BCL2L1: variants seen among roughly 807,000 people sequenced by gnomAD.
BCL2L1 encodes bcl-2-like protein 1.
Under a neutral mutation model 18.7 loss-of-function variants are expected in BCL2L1, and 1 was observed. That is an observed-to-expected ratio of 0.05 (90% CI 0.02 to 0.25). BCL2L1 has a LOEUF of 0.25. Ranked by LOEUF, BCL2L1 falls within the 10% of genes least tolerant of loss-of-function variation. The pLI, the probability that BCL2L1 is intolerant of heterozygous loss-of-function variation, is 1.00. For missense variants in BCL2L1, 207 were observed against 304.9 expected (o/e 0.68, Z 2.39); for synonymous variants, 103 against 122.7 (o/e 0.84, Z 1.06).
At chr20:31,694,415 G>A (rs73117919) in intron 2 of BCL2L1, among the ~76,000 whole-genome samples, 156 of 152,178 alleles carry the variant, frequency 1.0e-3, no homozygotes, top group Non-Finnish European at 1.9e-3. Flanking sequence ...ATGAGATTAG[G>A]TTTCTTGGGA....
chr20:31,683,037 G>A (rs1253773083), intron 2 of BCL2L1, among the ~76,000 whole-genome samples: 2 of 151,940 alleles, frequency 1.3e-5, no homozygotes, highest in Admixed American at 1.3e-4. Context: ...GCTTCTTATC[G>A]ACTCCATGGT....
In BCL2L1 at chr20:31,673,212, A is replaced by C. The variant is rs373818723; in HGVS notation, c.565-7126T>G. Among the ~76,000 whole-genome samples the C allele has an allele frequency of 1.5e-3, 221 of 151,408 alleles. 1 individual carries two copies. Among genetic ancestry groups the C allele is most frequent in the African/African-American group, 5.0e-3 (208 of 41,270 alleles). On this transcript the variant is annotated intron_variant, in intron 2 of 2. Coordinates refer to ENST00000307677, the MANE Select transcript of BCL2L1 (RefSeq NM_138578.3). Reference sequence around the variant, plus strand: ...TTAGTCTCCCAAGTTGCCTGGGATTACAGGCACCCGCCACCACACCTGGCT... The same window carrying C: ...TTAGTCTCCCAAGTTGCCTGGGATTCCAGGCACCCGCCACCACACCTGGCT...
intron 2 of BCL2L1, among the ~76,000 whole-genome samples, chr20:31,686,868 A>C (rs1454888205): frequency 6.6e-6 from 1 of 152,228 alleles, no homozygotes; most frequent in East Asian, 1.9e-4. Flanking sequence ...ACCATAGTTA[A>C]GTGAGGGCTT....
intron 2 of BCL2L1, among the ~76,000 whole-genome samples, chr20:31,700,922 G>A (rs1201103564): frequency 2.6e-5 from 4 of 152,196 alleles, no homozygotes; most frequent in Non-Finnish European, 4.4e-5. Context: ...CTCCCTGCTG[G>A]ACCAGCCCCT....
At chr20:31,692,863 C>G (rs1000168398) in intron 2 of BCL2L1, among the ~76,000 whole-genome samples, 1 of 151,634 alleles carries the variant, frequency 6.6e-6, no homozygotes, top group Non-Finnish European at 1.5e-5. Flanking sequence ...AAGCCAAGAT[C>G]GCACCACACT....
At chr20:31,683,981 C>T (rs1265262089) in intron 2 of BCL2L1, among the ~76,000 whole-genome samples, 5 of 152,128 alleles carry the variant, frequency 3.3e-5, no homozygotes, top group Non-Finnish European at 7.4e-5. Context: ...AATACACTGA[C>T]TATTAAAACA....
At chr20:31,720,998 G>C in intron 2 of BCL2L1, 6 of 984,940 alleles carry the variant, frequency 6.1e-6, no homozygotes, top group Non-Finnish European at 7.2e-6. Context: ...CATGCAGAAA[G>C]TCGCACACTT....
chr20:31,675,816 T>C (rs2060749974), intron 2 of BCL2L1, among the ~76,000 whole-genome samples: 1 of 152,192 alleles, frequency 6.6e-6, no homozygotes, highest in Admixed American at 6.5e-5. Context: ...GGGGGTGTCA[T>C]AGAGGGCTCA....
At chr20:31,677,527 A>AATACATGT (rs2060783633) in intron 2 of BCL2L1, among the ~76,000 whole-genome samples, 1 of 152,212 alleles carries the variant, frequency 6.6e-6, no homozygotes, top group South Asian at 2.1e-4. Flanking sequence ...GATTCAAATT[A>AATACATGT]ATACATGTAA....
intron 2 of BCL2L1, among the ~76,000 whole-genome samples, chr20:31,690,903 C>T (rs192032195): frequency 2.6e-5 from 4 of 152,078 alleles, no homozygotes; most frequent in African/African-American, 9.6e-5. Context: ...AATCCCAGCA[C>T]TTTGGGAGGC....
At chr20:31,720,456 C>T (rs1344711789) in intron 2 of BCL2L1, 1 of 863,536 alleles carries the variant, frequency 1.2e-6, no homozygotes, top group East Asian at 1.2e-4. Context: ...ACCTGCACCT[C>T]CGCTAGGTAG....
In BCL2L1 at chr20:31,722,266, C is replaced by A. The variant is rs779429492; in HGVS notation, c.-48G>T. The A allele has an allele frequency of 7.5e-7, 1 of 1,334,130 alleles. No individual in the cohort carries two copies. The highest frequency in any genetic ancestry group is 2.5e-5 in the Admixed American group (1 of 40,080). The allele number at this position is 1,334,130 out of a possible 1,614,324, so 82.6% of individuals were successfully genotyped here. A position where few individuals can be genotyped will look rare whatever the true frequency, so the allele number is the denominator to read the frequency against. The stretch of plus-strand genomic sequence containing the variant: ...ACCAGTCCATTGTCCAAAACACCTG[C>A]TCACTCACTGAGTCTCGTCTCTGGT... On this transcript the variant is annotated 5_prime_UTR_variant, in exon 2 of 3. Coordinates refer to ENST00000307677, the MANE Select transcript of BCL2L1 (RefSeq NM_138578.3).
rs865787655 is a variant in BCL2L1 at position 31,664,586 on chromosome 20, C to A, written c.*1363G>T. On this transcript the variant is annotated 3_prime_UTR_variant, in exon 3 of 3. Transcript: ENST00000307677. ...GATGCCCCTCAGGAGCCAGGACCCT[C>A]GGCCAGCTTCCCTGGACCAGGGCAG... 1 of 206,432 alleles carries A rather than the reference C, an allele frequency of 4.8e-6. No homozygotes were observed. The highest frequency in any genetic ancestry group is 9.9e-6 in the Non-Finnish European group (1 of 100,616). 12.8% of individuals were successfully genotyped at this position (206,432 alleles called of 1,614,324 possible).
At chr20:31,705,108 G>C (rs774543386) in intron 2 of BCL2L1, among the ~76,000 whole-genome samples, 5 of 152,194 alleles carry the variant, frequency 3.3e-5, no homozygotes, top group Non-Finnish European at 7.4e-5. Context: ...CAGACTACCT[G>C]GGTTCAAATC....
Position 31,693,302 on chromosome 20 carries a change from T to TA in BCL2L1, c.565-27217dup, listed in dbSNP as rs564263723. On this transcript the variant is annotated intron_variant, in intron 2 of 2. Coordinates refer to ENST00000307677, the MANE Select transcript of BCL2L1 (RefSeq NM_138578.3). Reference sequence around the variant, plus strand: ...AGGCAACATAGTGAGATCCCATCTCTAAAAAAAATAATAATAATAATTAAA... The same window carrying TA: ...AGGCAACATAGTGAGATCCCATCTCTAAAAAAAAATAATAATAATAATTAAA... Among the ~76,000 whole-genome samples, 774 of 150,742 alleles carry TA rather than the reference T, an allele frequency of 5.1e-3. 5 individuals carry two copies. The highest frequency in any genetic ancestry group is 0.017 in the Middle Eastern group (5 of 292).
intron 2 of BCL2L1, among the ~76,000 whole-genome samples, chr20:31,667,388 G>A (rs996225336): frequency 6.6e-6 from 1 of 151,798 alleles, no homozygotes; most frequent in Non-Finnish European, 1.5e-5. Context: ...TTGAACCCGG[G>A]AGACGGAGGT....
intron 2 of BCL2L1, 25 bp downstream of exon 2, chr20:31,721,630 G>A (rs2122870358): frequency 6.4e-7 from 1 of 1,562,776 alleles, no homozygotes; most frequent in Non-Finnish European, 8.7e-7. Flanking sequence ...AAAGAAAAGG[G>A]ACACACAAGG....
intron 2 of BCL2L1, among the ~76,000 whole-genome samples, chr20:31,686,844 G>A (rs1298872824): frequency 6.6e-6 from 1 of 152,156 alleles, no homozygotes; most frequent in Non-Finnish European, 1.5e-5. Context: ...GAGAGCCAAG[G>A]GAAGCCCATG....
At chr20:31,721,511 T>C (rs1444365450) in intron 2 of BCL2L1, 144 bp downstream of exon 2, 1 of 966,512 alleles carries the variant, frequency 1.0e-6, no homozygotes, top group East Asian at 2.6e-5. Flanking sequence ...CCTCTTGTGG[T>C]GAAATGAGGC....
Sources: gnomAD v4.1 joint callset for allele counts (sites outside exome capture counted in the v4.1 genomes callset) on GRCh38, gnomAD v4.1.1 for gene constraint, MANE v1.5 for transcripts, NCBI Gene and HGNC (gene_info 2026-07-23, HGNC 2026-07-21) for gene names.